Variants in IQSEC1 observed in about 807,000 individuals in gnomAD.
The protein encoded by IQSEC1 is IQ motif and SEC7 domain-containing protein 1.
In IQSEC1, 31 loss-of-function variants were observed where a neutral mutation model predicts 91.0. The ratio of observed to expected loss-of-function variants is 0.34; its 90% CI spans 0.26 to 0.46. The LOEUF (loss-of-function observed/expected upper bound fraction) is 0.46. Ranked by LOEUF, IQSEC1 falls within the 20% of genes least tolerant of loss-of-function variation. The probability of loss-of-function intolerance (pLI) is 1.00; values close to 1 mark genes in which losing one functional copy is unlikely to be tolerated. For synonymous variants in IQSEC1, 699 were observed against 662.6 expected (o/e 1.05, Z -0.84); for missense variants, 1,388 against 1,575.6 (o/e 0.88, Z 2.02).
At chr3:12,997,866 CCA>C (rs1192981190) in intron 1 of IQSEC1, among the ~76,000 whole-genome samples, 11 of 152,164 alleles carry the variant, frequency 7.2e-5, no homozygotes, top group Non-Finnish European at 1.2e-4. Flanking sequence ...TCTTATGGGA[CCA>C]CCATCATATA....
chr3:12,994,682 A>G lies in IQSEC1; in HGVS notation c.24-52817T>C, dbSNP rs1702153884. Among the ~76,000 whole-genome samples, 1 of 152,158 alleles carries G rather than the reference A, an allele frequency of 6.6e-6. No homozygotes were observed. Among genetic ancestry groups the G allele is most frequent in the Admixed American group, 6.5e-5 (1 of 15,280 alleles). On this transcript the variant is annotated intron_variant, in intron 1 of 13. Coordinates refer to ENST00000613206, the MANE Select transcript of IQSEC1 (RefSeq NM_001134382.3). The surrounding 1 kb of genome is among the most constrained non-coding windows in gnomAD (Gnocchi z 4.5). ...CACTGAGGCCCACAGCAGGGAAGCC[A>G]CTGGCCCAGAGGCGCACAGCTGCAC...
chr3:13,116,522 A>G (rs1270602470), intron 2 of IQSEC1, among the ~76,000 whole-genome samples: 3 of 152,220 alleles, frequency 2.0e-5, no homozygotes, highest in Non-Finnish European at 4.4e-5. Context: ...CAGTCTCTTC[A>G]CCAAATGGTG....
chr3:13,160,839 C>T (rs919789633), intron 2 of IQSEC1, among the ~76,000 whole-genome samples: 2 of 152,228 alleles, frequency 1.3e-5, no homozygotes, highest in Admixed American at 6.5e-5. Context: ...CTGGCACCAT[C>T]GAGCCACAAC....
At chr3:13,118,078 T>C (rs1706366045) in intron 2 of IQSEC1, among the ~76,000 whole-genome samples, 1 of 152,098 alleles carries the variant, frequency 6.6e-6, no homozygotes, top group Non-Finnish European at 1.5e-5. Context: ...TCATAACGTA[T>C]AGTTTCAAAT....
chr3:12,936,696 A>C lies in IQSEC1; in HGVS notation c.320T>G (p.Val107Gly), dbSNP rs1575971472. Residue 107 changes from valine (V) to glycine (G), a missense_variant and splice_region_variant, in exon 3 of 14, where the codon GTG becomes GGG. By Grantham distance (109) the Val-to-Gly change is moderately radical (BLOSUM62 -3). Around this residue, in one of 2 missense-constraint regions of IQSEC1, gnomAD observed 1,059 missense variants for 1,317.8 expected, o/e 0.80. Coordinates refer to ENST00000613206, the MANE Select transcript of IQSEC1 (RefSeq NM_001134382.3). The part of the protein sequence containing the change: ...ELSSDLQDKQ[V>G]EMLERKYGGR... ...CCCATACTTTCGTTCTAGCATCTCCACCTGCGGGTGGGAGAGGAGAATGAG... is the reference window on the plus strand; with the variant it reads ...CCCATACTTTCGTTCTAGCATCTCCCCCTGCGGGTGGGAGAGGAGAATGAG... 1.3e-6 allele frequency: 2 copies of C among 1,567,374 alleles called. No individual in the cohort carries two copies. The highest frequency in any genetic ancestry group is 1.7e-6 in the Non-Finnish European group (2 of 1,155,096).
At chr3:13,047,072 A>G (rs1367691615) in intron 1 of IQSEC1, among the ~76,000 whole-genome samples, 4 of 148,176 alleles carry the variant, frequency 2.7e-5, no homozygotes, top group South Asian at 2.4e-4. Context: ...CTGCACACCA[A>G]TAGAAACCAA....
chr3:13,081,867 G>T (rs909171005), intron 2 of IQSEC1, among the ~76,000 whole-genome samples: 2 of 152,196 alleles, frequency 1.3e-5, no homozygotes, highest in African/African-American at 4.8e-5. Flanking sequence ...TTCACAGAGG[G>T]TTGACGTGAA....
In IQSEC1 at chr3:12,994,380, G is replaced by A. The variant is rs1576132748; in HGVS notation, c.24-52515C>T. Among the ~76,000 whole-genome samples the A allele has an allele frequency of 6.6e-6, 1 of 152,014 alleles. No individual in the cohort carries two copies. The highest frequency in any genetic ancestry group is 2.4e-5 in the African/African-American group (1 of 41,442). On this transcript the variant is annotated intron_variant, in intron 1 of 13. Transcript: ENST00000613206. This position sits in a 1 kb window ranked among gnomAD's most constrained non-coding sequence, Gnocchi z 4.5. ...GCTAGGGGGCGGGGAGGACGGTGCC[G>A]CCCCGGCCGCCGACGTCACCCGAGC...
rs1042933841 is a variant in IQSEC1, at chr3:13,211,928, C to A, written c.273-47795G>T. 6.6e-6 allele frequency among the ~76,000 whole-genome samples: 1 copy of A among 152,242 alleles called. No individual in the cohort carries two copies. The highest frequency in any genetic ancestry group is 1.5e-5 in the Non-Finnish European group (1 of 68,042). On this transcript the variant is annotated intron_variant, in intron 1 of 15. Transcript: ENST00000648114. The surrounding 1 kb of genome is among the most constrained non-coding windows in gnomAD (Gnocchi z 5.3). ...GTGGCCAGAGGACCCGAAACCCCCA[C>A]GGCCCTGTGTTTTTGAGCCCCTGTG...
chr3:13,166,955 T>A, intron 1 of IQSEC1, among the ~76,000 whole-genome samples: 1 of 152,116 alleles, frequency 6.6e-6, no homozygotes, highest in East Asian at 1.9e-4. Flanking sequence ...GAAGGAGCAA[T>A]AATGTGGGGA....
chr3:13,021,942 C>T, intron 1 of IQSEC1: 1 of 887,772 alleles, frequency 1.1e-6, no homozygotes, highest in Non-Finnish European at 1.5e-6. Context: ...TCCCTCCATC[C>T]CAGCTCCTTC....
At chr3:12,943,638 C>T (rs1444124088) in intron 1 of IQSEC1, among the ~76,000 whole-genome samples, 1 of 152,216 alleles carries the variant, frequency 6.6e-6, no homozygotes, top group East Asian at 1.9e-4. Flanking sequence ...TTCAGACCTC[C>T]TTCAGACCCA....
chr3:13,183,747 T>C (rs779986798), intron 1 of IQSEC1, among the ~76,000 whole-genome samples: 8 of 152,234 alleles, frequency 5.3e-5, no homozygotes, highest in South Asian at 2.1e-4. Context: ...TTTGGTTGGT[T>C]GTTAAACACT....
chr3:12,901,964 A>G (rs1348568154), intron 13 of IQSEC1, among the ~76,000 whole-genome samples: 4 of 151,364 alleles, frequency 2.6e-5, no homozygotes, highest in African/African-American at 9.7e-5. Context: ...CTCTCCTGGG[A>G]CTGCTCAACT....
Position 12,900,508 on chromosome 3 carries a change from T to C in IQSEC1, c.*475A>G. On this transcript the variant is annotated 3_prime_UTR_variant, in exon 14 of 14. Transcript: ENST00000613206. ...ATTTATATAAAGTTTACTTACGTAT[T>C]TTCATCAACCATATCAGGTCTACTT... The C allele has an allele frequency of 9.1e-6, 8 of 880,012 alleles. No homozygotes were observed. Among genetic ancestry groups the C allele is most frequent in the South Asian group, 5.2e-5 (1 of 19,124 alleles). 54.5% of individuals were successfully genotyped at this position (880,012 alleles called of 1,614,324 possible).
At chr3:13,234,522 A>C (rs757351298) in intron 1 of IQSEC1, among the ~76,000 whole-genome samples, 1 of 152,194 alleles carries the variant, frequency 6.6e-6, no homozygotes, top group Non-Finnish European at 1.5e-5. Flanking sequence ...AATTTCTTCT[A>C]AGTACCCCCC....
intron 12 of IQSEC1, among the ~76,000 whole-genome samples, chr3:12,904,348 A>G (rs76971329): frequency 0.011 from 1,611 of 152,334 alleles, 32 homozygotes; most frequent in African/African-American, 0.037. Context: ...CTCAGAGACC[A>G]CTACTGGGAA....
rs1343638847 is a variant in IQSEC1 at position 12,940,929 on chromosome 3, C to T, written c.318+642G>A. On this transcript the variant is annotated intron_variant, in intron 2 of 13. Coordinates refer to ENST00000613206, the MANE Select transcript of IQSEC1 (RefSeq NM_001134382.3). This position sits in a 1 kb window ranked among gnomAD's most constrained non-coding sequence, Gnocchi z 4.4. ...TCCTGGCTCAACCCTGAGAGGCTAC[C>T]TCTTGTCCTCCCTCAAGCCCAGCCC... 6.6e-6 allele frequency among the ~76,000 whole-genome samples: 1 copy of T among 152,188 alleles called. No homozygotes were observed. Among genetic ancestry groups the T allele is most frequent in the African/African-American group, 2.4e-5 (1 of 41,456 alleles).
intron 1 of IQSEC1, among the ~76,000 whole-genome samples, chr3:13,190,168 C>A (rs1172849829): frequency 2.6e-5 from 4 of 152,194 alleles, no homozygotes; most frequent in Non-Finnish European, 4.4e-5. Flanking sequence ...CAAGAACCCT[C>A]CCCCCAACCC....
Sources: allele counts gnomAD v4.1 joint callset (sites outside exome capture counted in the v4.1 genomes callset), GRCh38; gene constraint gnomAD v4.1.1; regional missense constraint gnomAD v4.1.1; non-coding constraint Gnocchi (gnomAD v3.1); transcripts MANE v1.5; gene names NCBI Gene and HGNC (gene_info 2026-07-23, HGNC 2026-07-21).